FRMPD4: variants seen among roughly 807,000 people sequenced by gnomAD.
FRMPD4 encodes the protein FERM and PDZ domain containing 4, also known as FERM and PDZ domain-containing protein 4.
A neutral mutation model predicts 94.1 loss-of-function variants in FRMPD4; 22 were observed. The ratio of observed to expected loss-of-function variants is 0.23; its 90% CI spans 0.17 to 0.33. The LOEUF is 0.33. FRMPD4 is among the 10% of genes least tolerant of loss of function. The pLI, the probability that FRMPD4 is intolerant of heterozygous loss-of-function variation, is 1.00. For missense variants in FRMPD4, 1,111 were observed against 1,339.9 expected (o/e 0.83, Z 2.67); for synonymous variants, 631 against 548.6 (o/e 1.15, Z -2.10).
At chrX:11,825,190 T>TGTG (rs2053434719) in intron 1 of FRMPD4, among the ~76,000 whole-genome samples, 1 of 80,162 alleles carries the variant, frequency 1.2e-5, no homozygotes, top group Non-Finnish European at 2.4e-5. Context: ...TGTGTCTTCT[T>TGTG]TGTGTGTGTG....
chrX:12,248,266 C>T (rs2053982673), intron 1 of FRMPD4, among the ~76,000 whole-genome samples: 1 of 112,486 alleles, frequency 8.9e-6, no homozygotes, highest in African/African-American at 3.2e-5. Flanking sequence ...GACTCTTCTT[C>T]ATACTCGACT....
intron 1 of FRMPD4, among the ~76,000 whole-genome samples, chrX:12,491,428 T>C (rs2057792157): frequency 8.9e-6 from 1 of 111,966 alleles, no homozygotes; most frequent in South Asian, 3.7e-4. Context: ...GTAACCAACT[T>C]TGTTCATTTA....
intron 3 of FRMPD4, among the ~76,000 whole-genome samples, chrX:11,904,249 C>T (rs1052979071): frequency 8.9e-6 from 1 of 111,934 alleles, no homozygotes; most frequent in Non-Finnish European, 1.9e-5. Flanking sequence ...CTTTTTATTT[C>T]TTACGATGTC....
intron 3 of FRMPD4, among the ~76,000 whole-genome samples, chrX:12,079,225 T>C (rs2055043606): frequency 9.0e-6 from 1 of 110,761 alleles, no homozygotes; most frequent in African/African-American, 3.3e-5. Context: ...ATAATGGTAT[T>C]GTAGCACCAG....
At chrX:11,965,967 T>G (rs1301543354) in intron 3 of FRMPD4, among the ~76,000 whole-genome samples, 1 of 111,546 alleles carries the variant, frequency 9.0e-6, no homozygotes, top group East Asian at 2.8e-4. Context: ...GAACTCCTAT[T>G]TTAATATTTA....
rs57587413 is a variant in FRMPD4 at position 11,912,738 on chromosome X, A to C, written c.95+34720A>C. On this transcript the variant is annotated intron_variant, in intron 3 of 18. Transcript: ENST00000640291. ...AATTACACTGTAGGACATGAGAACA[A>C]ATTGATTATTTTCTGATATTTATAG... Among the ~76,000 whole-genome samples, 583 of 110,210 alleles carry C rather than the reference A, an allele frequency of 5.3e-3. 4 individuals are homozygous for C. The highest frequency in any genetic ancestry group is 0.019 in the African/African-American group (561 of 30,309).
chrX:12,052,503 C>A (rs1260323306), intron 3 of FRMPD4, among the ~76,000 whole-genome samples: 1 of 111,834 alleles, frequency 8.9e-6, no homozygotes, highest in Non-Finnish European at 1.9e-5. Context: ...TATGAGTGGG[C>A]AAAGGAATAT....
intron 3 of FRMPD4, among the ~76,000 whole-genome samples, chrX:12,050,865 T>A (rs757879724): frequency 9.0e-6 from 1 of 111,261 alleles, no homozygotes; most frequent in East Asian, 2.8e-4. Context: ...AAAAGAGTTG[T>A]ACAAGATGTT....
chrX:11,954,426 A>G (rs1282813427), intron 3 of FRMPD4, among the ~76,000 whole-genome samples: 2 of 112,195 alleles, frequency 1.8e-5, no homozygotes, highest in Non-Finnish European at 3.8e-5. Context: ...GTCATGAATT[A>G]CACAGTAATG....
chrX:12,224,094 T>G (rs1051446786), intron 1 of FRMPD4, among the ~76,000 whole-genome samples: 4 of 109,867 alleles, frequency 3.6e-5, no homozygotes, highest in Non-Finnish European at 5.7e-5. Context: ...CAAAGATGCC[T>G]CTAGATATTT....
At chrX:12,341,471 A>G (rs777000639) in intron 1 of FRMPD4, 7 of 162,393 alleles carry the variant, frequency 4.3e-5, no homozygotes, top group Non-Finnish European at 7.5e-5. Context: ...GTTTTCCCAA[A>G]CTATTGTTAT....
intron 3 of FRMPD4, among the ~76,000 whole-genome samples, chrX:11,987,053 A>G (rs181915024): frequency 1.3e-3 from 123 of 92,961 alleles, no homozygotes; most frequent in Non-Finnish European, 2.1e-3. Context: ...AACCCATTCT[A>G]TGAGGCCAGT....
At chrX:12,180,744 A>G (rs954695832) in intron 1 of FRMPD4, among the ~76,000 whole-genome samples, 2 of 112,592 alleles carry the variant, frequency 1.8e-5, no homozygotes, top group South Asian at 3.7e-4. Flanking sequence ...GTAATTACCC[A>G]AACCTGACAT....
At chrX:12,571,086 T>C (rs757314234) in intron 2 of FRMPD4, among the ~76,000 whole-genome samples, 1 of 112,221 alleles carries the variant, frequency 8.9e-6, no homozygotes, top group South Asian at 3.8e-4. Flanking sequence ...AAACCTAAAC[T>C]TTGAGGTAAG....
chrX:12,370,688 A>G (rs762650840), intron 1 of FRMPD4, among the ~76,000 whole-genome samples: 1 of 112,768 alleles, frequency 8.9e-6, no homozygotes, highest in East Asian at 2.8e-4. Context: ...ACGTGAGAAG[A>G]AGGAAGGATT....
chrX:12,437,948 A>G (rs1398955455), intron 1 of FRMPD4, among the ~76,000 whole-genome samples: 5 of 112,143 alleles, frequency 4.5e-5, no homozygotes, highest in Admixed American at 9.5e-5. Flanking sequence ...AAGGATCAAA[A>G]TTTACTGCTA....
chrX:12,678,616 G>A (rs887459347), intron 5 of FRMPD4, among the ~76,000 whole-genome samples: 16 of 111,543 alleles, frequency 1.4e-4, no homozygotes, highest in Non-Finnish European at 2.3e-4. Context: ...ACCTGAGGTC[G>A]GGAGTTCGAG....
At chrX:12,219,390 T>C (rs1601708577) in intron 1 of FRMPD4, among the ~76,000 whole-genome samples, 1 of 111,415 alleles carries the variant, frequency 9.0e-6, no homozygotes, top group East Asian at 2.8e-4. Context: ...GAAAAGATTA[T>C]ATAAAAAGGA....
chrX:12,530,865 G>C (rs2058278206), intron 2 of FRMPD4, among the ~76,000 whole-genome samples: 1 of 111,835 alleles, frequency 8.9e-6, no homozygotes, highest in African/African-American at 3.2e-5. Context: ...ATGAATGGTG[G>C]ATGTATGGTG....
Sources: allele counts gnomAD v4.1 joint callset (sites outside exome capture counted in the v4.1 genomes callset), GRCh38; gene constraint gnomAD v4.1.1; transcripts MANE v1.5; gene names NCBI Gene and HGNC (gene_info 2026-07-23, HGNC 2026-07-21).